The following ERI1 variants were observed in gnomAD, a reference collection of about 807,000 sequenced individuals.
The protein encoded by ERI1 is exoribonuclease 1, also known as 3'-5' exoribonuclease 1.
Under a neutral mutation model 39.7 loss-of-function variants are expected in ERI1, and 39 were observed. The observed-to-expected ratio is 0.98, with a 90% CI of 0.76 to 1.28. The LOEUF is 1.28. Among genes scored for constraint, ERI1 ranks in the 50% most tolerant of loss-of-function variants. ERI1 has a pLI of 0.00. For synonymous variants in ERI1, 204 were observed against 149.6 expected, an observed-to-expected ratio of 1.36 and a Z score of -2.65; for missense variants, 581 against 416.9, an observed-to-expected ratio of 1.39 and a Z score of -3.43.
intron 3 of ERI1, among the ~76,000 whole-genome samples, chr8:9,086,590 G>A (rs1266512844): frequency 6.6e-6 from 1 of 152,108 alleles, no homozygotes; most frequent in Non-Finnish European, 1.5e-5. Flanking sequence ...TTGACCCATA[G>A]TTTGACTCTT....
intron 3 of ERI1, among the ~76,000 whole-genome samples, chr8:9,014,298 T>G (rs1458527179): frequency 6.6e-6 from 1 of 152,190 alleles, no homozygotes; most frequent in Non-Finnish European, 1.5e-5. Flanking sequence ...GTTTTTCTCC[T>G]TCTCTCCCTC....
chr8:9,004,679 T>C (rs1815780355), intron 1 of ERI1, among the ~76,000 whole-genome samples: 1 of 149,408 alleles, frequency 6.7e-6, no homozygotes, highest in Non-Finnish European at 1.5e-5. Context: ...ATAATAGTAA[T>C]GATACTTTTT....
downstream of ERI1, among the ~76,000 whole-genome samples, chr8:9,036,908 T>C (rs919266196): frequency 6.6e-6 from 1 of 152,174 alleles, no homozygotes; most frequent in Non-Finnish European, 1.5e-5. Context: ...GGGACCATGA[T>C]TATCACAGTC....
intron 6 of ERI1, 83 bp from the exon 7 acceptor site, chr8:9,029,709 G>T (rs538184070): frequency 3.3e-6 from 5 of 1,520,094 alleles, no homozygotes; most frequent in African/African-American, 1.4e-5. Flanking sequence ...CTAATTTTCA[G>T]TTTCTTATTT....
intron 3 of ERI1, among the ~76,000 whole-genome samples, chr8:9,050,169 TCAA>T (rs1798310907): frequency 6.5e-5 from 1 of 15,422 alleles, no homozygotes; most frequent in African/African-American, 2.2e-4. Flanking sequence ...TTCTAAGTGG[TCAA>T]AAAAAAAAAA....
intron 3 of ERI1, chr8:9,048,480 CTT>C (rs926850048): frequency 5.2e-5 from 8 of 154,378 alleles, no homozygotes; most frequent in African/African-American, 1.9e-4. Context: ...ATGGAGAAGA[CTT>C]TTCCTTTCCT....
intron 3 of ERI1, among the ~76,000 whole-genome samples, chr8:9,099,478 C>T (rs1259992840): frequency 6.6e-6 from 1 of 151,624 alleles, no homozygotes; most frequent in Non-Finnish European, 1.5e-5. Flanking sequence ...GCCTGTGATC[C>T]CAACTACTCA....
At chr8:9,057,964 G>T (rs542523689) in intron 3 of ERI1, among the ~76,000 whole-genome samples, 2 of 152,164 alleles carry the variant, frequency 1.3e-5, no homozygotes, top group African/African-American at 4.8e-5. Flanking sequence ...AGTCCAGGGG[G>T]TGGATCTCAT....
chr8:9,066,757 A>G (rs17646197), intron 3 of ERI1, among the ~76,000 whole-genome samples: 33,968 of 152,094 alleles, frequency 0.22, 4,340 homozygotes, highest in Non-Finnish European at 0.3. Flanking sequence ...CACTGCAGAG[A>G]CTAAAATGTG....
At chr8:9,079,181 A>G (rs142476924) in intron 3 of ERI1, among the ~76,000 whole-genome samples, 38 of 152,342 alleles carry the variant, frequency 2.5e-4, no homozygotes, top group Non-Finnish European at 4.1e-4. Flanking sequence ...AAAAAAGGCT[A>G]TTTACTGAAA....
intron 3 of ERI1, among the ~76,000 whole-genome samples, chr8:9,015,773 C>G (rs1178162287): frequency 1.4e-5 from 2 of 143,106 alleles, no homozygotes; most frequent in East Asian, 3.9e-4. Flanking sequence ...TGAAAAGATT[C>G]AACATTACTG....
At chr8:9,027,879 A>G (rs1356272133) in intron 6 of ERI1, among the ~76,000 whole-genome samples, 1 of 152,154 alleles carries the variant, frequency 6.6e-6, no homozygotes, top group East Asian at 1.9e-4. Flanking sequence ...TGTTAACATT[A>G]TTTTTTAAAT....
intron 3 of ERI1, among the ~76,000 whole-genome samples, chr8:9,063,404 G>A (rs1798766581): frequency 6.6e-6 from 1 of 152,118 alleles, no homozygotes. Flanking sequence ...GGTGGGGGAG[G>A]GCTAGTCATG....
At chr8:9,038,612 C>T (rs1289127577) in intron 3 of ERI1, among the ~76,000 whole-genome samples, 2 of 152,098 alleles carry the variant, frequency 1.3e-5, no homozygotes, top group African/African-American at 4.8e-5. Flanking sequence ...CAAAACTTAG[C>T]TGGGCGTGGT....
At chr8:9,035,346 T>C (rs557773055), downstream of ERI1, among the ~76,000 whole-genome samples, 1 of 151,898 alleles carries the variant, frequency 6.6e-6, no homozygotes, top group South Asian at 2.1e-4. Context: ...GCTTCAAAGC[T>C]TCAAAGGACA....
chr8:9,066,069 TC>T (rs1341156817), intron 3 of ERI1, among the ~76,000 whole-genome samples: 7 of 152,184 alleles, frequency 4.6e-5, no homozygotes, highest in Non-Finnish European at 1.5e-5. Flanking sequence ...AACACCACTA[TC>T]TTCTCTATCT....
chr8:9,030,225 A>T lies in ERI1; in HGVS notation c.*191A>T. 1.5e-6 allele frequency: 1 copy of T among 688,932 alleles called. No individual in the cohort carries two copies. The highest frequency in any genetic ancestry group is 2.4e-6 in the Non-Finnish European group (1 of 423,074). The allele number at this position is 688,932 out of a possible 1,614,324, so 42.7% of individuals were successfully genotyped here. A position where few individuals can be genotyped will look rare whatever the true frequency, so the allele number is the denominator to read the frequency against. ...AAGGCATACTGAATTCTTTGTCACC[A>T]GCACTTTTGATATGAACAGTATTCG... is the stretch of plus-strand genomic sequence containing the variant. On this transcript the variant is annotated 3_prime_UTR_variant, in exon 7 of 7. Transcript: ENST00000250263.
chr8:9,067,382 ATGTGTGTGTGTGTGTGTG>A lies in ERI1; in HGVS notation n.299+46939_299+46956del, dbSNP rs10551937. ...GGGATTTCATTTTTAACCTGTGTGC[ATGTGTGTGTGTGTGTGTG>A]TGTGTGTGTGTGTGTGTGTGCAATA... On this transcript the variant is annotated intron_variant and non_coding_transcript_variant, in intron 3 of 3. Transcript: ENST00000518663. Among the ~76,000 whole-genome samples the A allele has an allele frequency of 8.2e-3, 1,181 of 144,002 alleles. 10 individuals are homozygous for A. Among genetic ancestry groups the A allele is most frequent in the African/African-American group, 0.029 (1,108 of 38,788 alleles). 94.5% of individuals were successfully genotyped at this position (144,002 alleles called of 152,430 possible).
chr8:9,034,624 A>T (rs538448702), downstream of ERI1, among the ~76,000 whole-genome samples: 1 of 152,160 alleles, frequency 6.6e-6, no homozygotes, highest in African/African-American at 2.4e-5. Flanking sequence ...TGTTTTCCCC[A>T]TCGCTCCCTC....
Sources: gnomAD v4.1 joint callset for allele counts (sites outside exome capture counted in the v4.1 genomes callset) on GRCh38, gnomAD v4.1.1 for gene constraint, MANE v1.5 for transcripts, NCBI Gene and HGNC (gene_info 2026-07-23, HGNC 2026-07-21) for gene names.